ARHGAP15: variants seen among roughly 807,000 people sequenced by gnomAD.
ARHGAP15 encodes the protein Rho GTPase activating protein 15, also known as rho GTPase-activating protein 15.
A neutral mutation model predicts 63.7 loss-of-function variants in ARHGAP15; 51 were observed. The ratio of observed to expected loss-of-function variants is 0.80; its 90% CI spans 0.64 to 1.01. The LOEUF is 1.01. ARHGAP15 is among the 50% of genes least tolerant of loss of function. The probability of loss-of-function intolerance (pLI) is 0.00; values close to 1 mark genes in which losing one functional copy is unlikely to be tolerated. For missense variants in ARHGAP15, 560 were observed against 564.6 expected (o/e 0.99, Z 0.08); for synonymous variants, 191 against 193.8 (o/e 0.99, Z 0.12).
At chr2:143,211,969 C>G (rs1313103230) in intron 3 of ARHGAP15, among the ~76,000 whole-genome samples, 1 of 152,112 alleles carries the variant, frequency 6.6e-6, no homozygotes, top group African/African-American at 2.4e-5. Context: ...CCATGTGGTT[C>G]TGGTGTTAAA....
chr2:143,697,614 A>ATC (rs1405278664), intron 12 of ARHGAP15, among the ~76,000 whole-genome samples: 1 of 152,148 alleles, frequency 6.6e-6, no homozygotes, highest in African/African-American at 2.4e-5. Context: ...AAGCATGTGT[A>ATC]TATTTGTATC....
At chr2:143,285,806 A>G (rs1197683800) in intron 6 of ARHGAP15, among the ~76,000 whole-genome samples, 2 of 152,210 alleles carry the variant, frequency 1.3e-5, no homozygotes, top group East Asian at 3.8e-4. Context: ...ATATATTGGT[A>G]TCATTCTTGC....
At chr2:143,243,072 C>T (rs549199837) in intron 5 of ARHGAP15, among the ~76,000 whole-genome samples, 22 of 152,190 alleles carry the variant, frequency 1.4e-4, no homozygotes, top group African/African-American at 4.1e-4. Flanking sequence ...AGAGGCTGTG[C>T]GGCCAAATGA....
At chr2:143,150,651 A>AGT (rs1574013438) in intron 1 of ARHGAP15, among the ~76,000 whole-genome samples, 1 of 152,074 alleles carries the variant, frequency 6.6e-6, no homozygotes, top group Non-Finnish European at 1.5e-5. Context: ...TGGAGAGTTT[A>AGT]GTAAAATCAA....
At chr2:143,606,069 AAG>A (rs1491083428) in intron 11 of ARHGAP15, among the ~76,000 whole-genome samples, 1,039 of 43,526 alleles carry the variant, frequency 0.024, 351 homozygotes, top group Non-Finnish European at 0.051. Flanking sequence ...AAAAAAAAAA[AAG>A]CCATACATCT....
chr2:143,729,529 A>G (rs1483643700), intron 13 of ARHGAP15, among the ~76,000 whole-genome samples: 1 of 152,188 alleles, frequency 6.6e-6, no homozygotes, highest in African/African-American at 2.4e-5. Flanking sequence ...CTATTGAAAC[A>G]GCTACTGCTT....
At chr2:143,628,591 G>A (rs1698935844) in intron 12 of ARHGAP15, among the ~76,000 whole-genome samples, 1 of 152,078 alleles carries the variant, frequency 6.6e-6, no homozygotes, top group Non-Finnish European at 1.5e-5. Context: ...CTTCAGCTTT[G>A]ACCAGACAGG....
intron 6 of ARHGAP15, among the ~76,000 whole-genome samples, chr2:143,368,467 A>G (rs1453786058): frequency 6.6e-6 from 1 of 152,072 alleles, no homozygotes; most frequent in Non-Finnish European, 1.5e-5. Context: ...AGACATTTGG[A>G]ATTTTCCTAC....
chr2:143,508,020 A>G (rs2104950447), intron 9 of ARHGAP15, among the ~76,000 whole-genome samples: 1 of 127,864 alleles, frequency 7.8e-6, no homozygotes, highest in East Asian at 1.9e-4. Context: ...AATGTAAATC[A>G]TATCATGTCA....
At chr2:143,395,023 C>T (rs952082198) in intron 6 of ARHGAP15, among the ~76,000 whole-genome samples, 1 of 152,120 alleles carries the variant, frequency 6.6e-6, no homozygotes, top group Non-Finnish European at 1.5e-5. Context: ...AAGACACTGT[C>T]TTTCTGGATC....
intron 12 of ARHGAP15, among the ~76,000 whole-genome samples, chr2:143,627,232 T>C (rs982845998): frequency 3.9e-5 from 6 of 152,126 alleles, no homozygotes; most frequent in African/African-American, 1.2e-4. Context: ...TTGCTTCAAC[T>C]CAAAACAGAA....
intron 13 of ARHGAP15, chr2:143,706,356 G>A (rs552047445): frequency 1.8e-4 from 27 of 152,188 alleles, no homozygotes; most frequent in African/African-American, 6.0e-4. Flanking sequence ...AAAATCTATC[G>A]TCAACCCTTG....
At chr2:143,159,590 C>G (rs746034420) in intron 2 of ARHGAP15, among the ~76,000 whole-genome samples, 30 of 152,008 alleles carry the variant, frequency 2.0e-4, no homozygotes, top group Non-Finnish European at 4.1e-4. Context: ...GCAAAAATAG[C>G]GCTGCTTGGA....
At chr2:143,558,106 C>T (rs1156986836) in intron 11 of ARHGAP15, among the ~76,000 whole-genome samples, 1 of 152,130 alleles carries the variant, frequency 6.6e-6, no homozygotes, top group Non-Finnish European at 1.5e-5. Context: ...TTCAGAAGAA[C>T]TCCAAATCCT....
intron 8 of ARHGAP15, among the ~76,000 whole-genome samples, chr2:143,447,863 T>C (rs1450304874): frequency 6.6e-6 from 1 of 152,168 alleles, no homozygotes; most frequent in East Asian, 1.9e-4. Context: ...AGGGAAAGGC[T>C]GAACTGTGAG....
intron 6 of ARHGAP15, among the ~76,000 whole-genome samples, chr2:143,404,707 G>T (rs1688126457): frequency 6.6e-6 from 1 of 151,926 alleles, no homozygotes; most frequent in South Asian, 2.1e-4. Context: ...CCTGACACAA[G>T]CTCTAGGGAT....
chr2:143,610,932 T>C (rs2105216349), intron 11 of ARHGAP15, among the ~76,000 whole-genome samples: 1 of 152,264 alleles, frequency 6.6e-6, no homozygotes, highest in East Asian at 1.9e-4. Context: ...TTTTGCCATG[T>C]TGTCCAGGCT....
intron 6 of ARHGAP15, among the ~76,000 whole-genome samples, chr2:143,276,228 T>C (rs1328336799): frequency 6.6e-6 from 1 of 152,222 alleles, no homozygotes; most frequent in African/African-American, 2.4e-5. Context: ...ATCTTATCAT[T>C]ACCCTTTACC....
chr2:143,484,544 T>G (rs1319635255), intron 8 of ARHGAP15, among the ~76,000 whole-genome samples: 1 of 151,754 alleles, frequency 6.6e-6, no homozygotes, highest in Non-Finnish European at 1.5e-5. Flanking sequence ...AATAAATGAA[T>G]AAATAATAAA....
Sources: gnomAD v4.1 joint callset for allele counts (sites outside exome capture counted in the v4.1 genomes callset) on GRCh38, gnomAD v4.1.1 for gene constraint, MANE v1.5 for transcripts, NCBI Gene and HGNC (gene_info 2026-07-23, HGNC 2026-07-21) for gene names.